Variants in MAN2A1 observed in about 807,000 individuals in gnomAD.
MAN2A1 encodes mannosidase alpha class 2A member 1, also known as alpha-mannosidase 2.
MAN2A1 carries 76 observed loss-of-function variants against 142.6 expected under a neutral mutation model. The observed-to-expected ratio is 0.53, with a 90% confidence interval of 0.44 to 0.65. The LOEUF (loss-of-function observed/expected upper bound fraction) is 0.65, where lower values mean the gene tolerates loss of function less well. MAN2A1 is among the 30% of genes least tolerant of loss of function. The pLI is 0.00. For missense variants in MAN2A1, 1,311 were observed against 1,365.1 expected, an observed-to-expected ratio of 0.96 and a Z score of 0.62; for synonymous variants, 559 against 473.2, an observed-to-expected ratio of 1.18 and a Z score of -2.35.
At chr5:109,829,311 C>G (rs1483381021) in intron 16 of MAN2A1, among the ~76,000 whole-genome samples, 3 of 152,190 alleles carry the variant, frequency 2.0e-5, no homozygotes, top group Admixed American at 6.5e-5. Context: ...CAAACTGTCA[C>G]AAAATTGCCC....
At chr5:109,800,475 C>G (rs1202908896) in intron 12 of MAN2A1, among the ~76,000 whole-genome samples, 1 of 152,148 alleles carries the variant, frequency 6.6e-6, no homozygotes, top group Non-Finnish European at 1.5e-5. Context: ...GGGAATCTGT[C>G]CTGCAGAAAT....
chr5:109,846,373 G>A (rs984566769), intron 18 of MAN2A1, among the ~76,000 whole-genome samples: 2 of 152,162 alleles, frequency 1.3e-5, no homozygotes, highest in African/African-American at 4.8e-5. Flanking sequence ...TGCAAAGTTG[G>A]GAAGTTGTGG....
At chr5:109,714,083 T>A (rs1751384913) in intron 2 of MAN2A1, among the ~76,000 whole-genome samples, 1 of 151,422 alleles carries the variant, frequency 6.6e-6, no homozygotes, top group African/African-American at 2.4e-5. Flanking sequence ...TTGCCAGAGA[T>A]TTTTTTTTAC....
At chr5:109,776,365 C>T (rs1432343378) in intron 8 of MAN2A1, among the ~76,000 whole-genome samples, 3 of 151,864 alleles carry the variant, frequency 2.0e-5, no homozygotes, top group Admixed American at 6.6e-5. Flanking sequence ...ATTATGAACT[C>T]GGATCCTAGG....
In MAN2A1 at chr5:109,849,734, C is replaced by T. The variant is rs150644984; in HGVS notation, c.2976+1944C>T. Among the ~76,000 whole-genome samples, 138 of 151,142 alleles carry T rather than the reference C, an allele frequency of 9.1e-4. 1 individual carries two copies. The highest frequency in any genetic ancestry group is 3.3e-3 in the African/African-American group (134 of 41,048). On this transcript the variant is annotated intron_variant, in intron 19 of 21. Coordinates refer to ENST00000261483, the MANE Select transcript of MAN2A1 (RefSeq NM_002372.4). ...TTTTTGTTTTTTTTCAAAGCCACAT[C>T]TAACTTTATTGCTTCCTGTTGAACC... is the stretch of plus-strand genomic sequence containing the variant.
intron 3 of MAN2A1, among the ~76,000 whole-genome samples, chr5:109,720,093 G>A (rs1375056927): frequency 1.3e-5 from 2 of 152,090 alleles, no homozygotes; most frequent in African/African-American, 2.4e-5. Flanking sequence ...TTAATTCTTT[G>A]CTTCCCACTA....
rs946419688 is a variant in MAN2A1, at chr5:109,734,198, C to T, written c.707+4685C>T. On this transcript the variant is annotated intron_variant, in intron 4 of 21. Transcript: ENST00000261483. ...ATGGTAGTTTGTATTTCTGTGGGAT[C>T]GGTGGTGATATCCCCTTTATCATTT... 5.3e-3 allele frequency among the ~76,000 whole-genome samples: 803 copies of T among 150,868 alleles called. 8 individuals are homozygous for T. Among genetic ancestry groups the T allele is most frequent in the African/African-American group, 0.018 (757 of 41,132 alleles).
chr5:109,768,570 A>T lies in MAN2A1; in HGVS notation c.1009+862A>T, dbSNP rs1039489465. Among the ~76,000 whole-genome samples, 6 of 152,286 alleles carry T rather than the reference A, an allele frequency of 3.9e-5. No individual in the cohort carries two copies. In the East Asian group the frequency reaches 9.6e-4, roughly 24 times the overall value. ...TCTCAGTAAACTTTCATCTGAAAGA[A>T]ATATTTTGTTTATAAAACAGTGTTT... On this transcript the variant is annotated intron_variant, in intron 6 of 21. Transcript: ENST00000261483.
At chr5:109,717,404 TG>T (rs1166358153) in intron 3 of MAN2A1, among the ~76,000 whole-genome samples, 1 of 152,174 alleles carries the variant, frequency 6.6e-6, no homozygotes, top group African/African-American at 2.4e-5. Flanking sequence ...TTGAAATGCT[TG>T]GATTTCTAGA....
chr5:109,692,427 C>T (rs2112532687), intron 1 of MAN2A1, among the ~76,000 whole-genome samples: 1 of 152,170 alleles, frequency 6.6e-6, no homozygotes, highest in African/African-American at 2.4e-5. Context: ...CTTGGACGGC[C>T]ACTGAATCCT....
chr5:109,865,011 G>T (rs1309022821), intron 20 of MAN2A1, 25 bp from the exon 21 acceptor site: 4 of 1,496,934 alleles, frequency 2.7e-6, no homozygotes, highest in Non-Finnish European at 3.7e-6. Context: ...TCTGCGCGGT[G>T]TGACTGCATT....
chr5:109,811,184 C>A (rs756613506), intron 12 of MAN2A1, among the ~76,000 whole-genome samples: 1 of 151,844 alleles, frequency 6.6e-6, no homozygotes, highest in African/African-American at 2.4e-5. Context: ...TCAAAATTTA[C>A]ATTTATCTGG....
chr5:109,841,413 G>A (rs1391969055), intron 16 of MAN2A1, among the ~76,000 whole-genome samples: 2 of 152,128 alleles, frequency 1.3e-5, no homozygotes, highest in African/African-American at 2.4e-5. Context: ...TTCCATTCCT[G>A]AGTTACTTCA....
chr5:109,780,866 T>C (rs1753437788), intron 8 of MAN2A1, among the ~76,000 whole-genome samples: 1 of 152,188 alleles, frequency 6.6e-6, no homozygotes, highest in Non-Finnish European at 1.5e-5. Flanking sequence ...AATGACCTGC[T>C]GTTCTTAAAG....
chr5:109,803,433 G>A (rs1754083646), intron 12 of MAN2A1, among the ~76,000 whole-genome samples: 1 of 152,016 alleles, frequency 6.6e-6, no homozygotes, highest in African/African-American at 2.4e-5. Context: ...AGTTTGCAAA[G>A]TGTGTTTTAA....
At chr5:109,781,651 A>C in intron 9 of MAN2A1, 53 bp downstream of exon 9, 3 of 1,262,030 alleles carry the variant, frequency 2.4e-6, no homozygotes. Flanking sequence ...TATTATCATA[A>C]TCTTTTTGTA....
chr5:109,783,497 A>G (rs1057466953), intron 9 of MAN2A1, among the ~76,000 whole-genome samples: 1 of 152,128 alleles, frequency 6.6e-6, no homozygotes, highest in Non-Finnish European at 1.5e-5. Flanking sequence ...AAGCTTAGTG[A>G]TTGTTACTTC....
intron 1 of MAN2A1, among the ~76,000 whole-genome samples, chr5:109,693,100 C>T (rs1176811749): frequency 6.6e-6 from 1 of 152,076 alleles, no homozygotes; most frequent in Non-Finnish European, 1.5e-5. Context: ...TCTCTGGTAC[C>T]TTAGCTTATG....
At chr5:109,697,068 T>C (rs775799167) in intron 1 of MAN2A1, among the ~76,000 whole-genome samples, 8 of 152,214 alleles carry the variant, frequency 5.3e-5, no homozygotes, top group Non-Finnish European at 1.0e-4. Flanking sequence ...AAATAGATCA[T>C]CTTTTACTTT....
Sources: allele counts gnomAD v4.1 joint callset (sites outside exome capture counted in the v4.1 genomes callset), GRCh38; gene constraint gnomAD v4.1.1; transcripts MANE v1.5; gene names NCBI Gene and HGNC (gene_info 2026-07-23, HGNC 2026-07-21).